Variants in GRM8 observed in about 807,000 individuals in gnomAD.
GRM8 encodes the protein metabotropic glutamate receptor 8.
In GRM8, 47 loss-of-function variants were observed where a neutral mutation model predicts 87.2. The ratio of observed to expected loss-of-function variants is 0.54; its 90% confidence interval spans 0.43 to 0.69. The LOEUF is 0.69. GRM8 is among the 30% of genes least tolerant of loss of function. The pLI is 0.00. For synonymous variants in GRM8, 396 were observed against 404.5 expected (o/e 0.98, Z 0.25); for missense variants, 1,019 against 1,139.2 (o/e 0.89, Z 1.52).
chr7:126,737,610 A>G (rs747947301), intron 7 of GRM8, among the ~76,000 whole-genome samples: 1 of 151,980 alleles, frequency 6.6e-6, no homozygotes, highest in South Asian at 2.1e-4. Flanking sequence ...TTAATACTAG[A>G]CTGAAAATTC....
chr7:126,633,696 T>A (rs992758947), intron 7 of GRM8, among the ~76,000 whole-genome samples: 20 of 152,210 alleles, frequency 1.3e-4, no homozygotes, highest in African/African-American at 4.8e-4. Flanking sequence ...TGTCCAAAAA[T>A]ACAATTTTTT....
Position 127,218,535 on chromosome 7 carries a change from T to C in GRM8, c.510+24160A>G, listed in dbSNP as rs1158756087. Among the ~76,000 whole-genome samples, 7 of 152,302 alleles carry C rather than the reference T, an allele frequency of 4.6e-5. No homozygotes were observed. In the East Asian group the frequency reaches 1.2e-3, roughly 25 times the overall value. ...GAGGATAATAAGCATTGCTACTTCA[T>C]AGGGTGCTTGGTTGTGAAGGACAAC... On this transcript the variant is annotated intron_variant, in intron 2 of 10. Transcript: ENST00000339582.
chr7:126,578,820 G>A (rs1057021812), intron 8 of GRM8, among the ~76,000 whole-genome samples: 7 of 151,856 alleles, frequency 4.6e-5, no homozygotes, highest in South Asian at 2.1e-4. Context: ...ATTAGCTATC[G>A]GACAATTATT....
intron 3 of GRM8, among the ~76,000 whole-genome samples, chr7:127,090,505 C>T (rs757937835): frequency 1.3e-5 from 2 of 152,156 alleles, no homozygotes; most frequent in African/African-American, 2.4e-5. Flanking sequence ...GATTTTGCAT[C>T]CACTCTATTT....
intron 3 of GRM8, chr7:127,095,731 C>G (rs1824584267): frequency 6.6e-6 from 1 of 152,152 alleles, no homozygotes; most frequent in African/African-American, 2.4e-5. Flanking sequence ...ATTACATGAA[C>G]TGCAGGATGC....
chr7:126,599,077 TC>T (rs1797481237), intron 8 of GRM8, among the ~76,000 whole-genome samples: 1 of 152,120 alleles, frequency 6.6e-6, no homozygotes, highest in South Asian at 2.1e-4. Context: ...CAGATGCTCC[TC>T]AAAGACAGTT....
intron 2 of GRM8, among the ~76,000 whole-genome samples, chr7:127,222,839 T>C (rs527839172): frequency 6.6e-6 from 1 of 152,308 alleles, no homozygotes; most frequent in African/African-American, 2.4e-5. Context: ...AACCCAGGTC[T>C]GTCTACCCAC....
At chr7:126,719,793 A>AT (rs34974130) in intron 7 of GRM8, among the ~76,000 whole-genome samples, 37,917 of 137,934 alleles carry the variant, frequency 0.27, 5,612 homozygotes, top group African/African-American at 0.38. Context: ...GAGTGGGTGG[A>AT]TTTTTTTTTT....
At chr7:127,106,828 C>G (rs1006564784) in intron 2 of GRM8, 116 bp from the exon 3 acceptor site, 20 of 710,752 alleles carry the variant, frequency 2.8e-5, no homozygotes, top group African/African-American at 2.6e-4. Flanking sequence ...CAACCTGAAG[C>G]CAAAATACAG....
At chr7:126,615,637 G>A (rs180967828) in intron 7 of GRM8, among the ~76,000 whole-genome samples, 1,654 of 152,226 alleles carry the variant, frequency 0.011, 16 homozygotes, top group Middle Eastern at 0.024. Flanking sequence ...CCCATCTCAC[G>A]TGCAGAGACA....
intron 3 of GRM8, among the ~76,000 whole-genome samples, chr7:126,957,481 G>T (rs776225984): frequency 6.6e-6 from 1 of 152,160 alleles, no homozygotes; most frequent in South Asian, 2.1e-4. Flanking sequence ...TCTCTCAGGG[G>T]CATGGGAGTA....
chr7:126,634,455 C>T (rs1356420662), intron 7 of GRM8, among the ~76,000 whole-genome samples: 1 of 152,252 alleles, frequency 6.6e-6, no homozygotes, highest in Non-Finnish European at 1.5e-5. Flanking sequence ...CTTGGTTTCT[C>T]ACTTTCCTTG....
chr7:126,559,234 C>T (rs1050041032), intron 8 of GRM8, among the ~76,000 whole-genome samples: 1 of 149,802 alleles, frequency 6.7e-6, no homozygotes, highest in Non-Finnish European at 1.5e-5. Flanking sequence ...CTCACTGCAA[C>T]CTCCGCCTCC....
At chr7:127,083,227 GATAAT>G (rs1823065832) in intron 3 of GRM8, among the ~76,000 whole-genome samples, 1 of 152,096 alleles carries the variant, frequency 6.6e-6, no homozygotes, top group African/African-American at 2.4e-5. Context: ...CACTTTCGTT[GATAAT>G]ATAATTATTC....
intron 3 of GRM8, among the ~76,000 whole-genome samples, chr7:127,103,929 C>T (rs1366893145): frequency 6.6e-6 from 1 of 152,198 alleles, no homozygotes; most frequent in African/African-American, 2.4e-5. Context: ...GACCACCATA[C>T]ACTCATAAAC....
At chr7:126,647,289 A>C (rs966329251) in intron 7 of GRM8, among the ~76,000 whole-genome samples, 1 of 122,832 alleles carries the variant, frequency 8.1e-6, no homozygotes. Context: ...CTACATAAAT[A>C]GATGGATAGA....
At chr7:126,614,097 C>T (rs183497855) in intron 7 of GRM8, among the ~76,000 whole-genome samples, 8 of 152,316 alleles carry the variant, frequency 5.3e-5, no homozygotes, top group Admixed American at 5.2e-4. Flanking sequence ...GGTCCCTGAC[C>T]TCCAAGTAGC....
intron 10 of GRM8, 71 bp from the exon 11 acceptor site, chr7:126,439,239 A>G (rs1801175891): frequency 1.1e-6 from 1 of 893,446 alleles, no homozygotes; most frequent in Admixed American, 1.8e-5. Context: ...TGATTTTAAA[A>G]TTCAAGTCCT....
chr7:126,941,058 T>C (rs1806866738), intron 3 of GRM8, among the ~76,000 whole-genome samples: 1 of 152,142 alleles, frequency 6.6e-6, no homozygotes, highest in Non-Finnish European at 1.5e-5. Flanking sequence ...AGGATGGTGA[T>C]CAATGTTGAA....
Sources: allele counts gnomAD v4.1 joint callset (sites outside exome capture counted in the v4.1 genomes callset), GRCh38; gene constraint gnomAD v4.1.1; transcripts MANE v1.5; gene names NCBI Gene and HGNC (gene_info 2026-07-23, HGNC 2026-07-21).